KCNQ5: variants seen among roughly 807,000 people sequenced by gnomAD.
The protein encoded by KCNQ5 is potassium voltage-gated channel subfamily KQT member 5.
KCNQ5 carries 30 observed loss-of-function variants against 98.2 expected under a neutral mutation model. The observed-to-expected ratio is 0.31, with a 90% CI of 0.23 to 0.41. The LOEUF (loss-of-function observed/expected upper bound fraction) is 0.41. Ranked by LOEUF, KCNQ5 falls within the 10% of genes least tolerant of loss-of-function variation. The pLI, the probability that KCNQ5 is intolerant of heterozygous loss-of-function variation, is 1.00. For missense variants in KCNQ5, 835 were observed against 1,182.5 expected (o/e 0.71, Z 4.31); for synonymous variants, 458 against 449.4 (o/e 1.02, Z -0.24).
chr6:72,791,295 G>A (rs552063081), intron 1 of KCNQ5, among the ~76,000 whole-genome samples: 4 of 151,964 alleles, frequency 2.6e-5, no homozygotes, highest in Admixed American at 2.6e-4. Context: ...ACACGTGTGT[G>A]CATGTGCGCA....
intron 2 of KCNQ5, among the ~76,000 whole-genome samples, chr6:73,028,987 C>A (rs1037403722): frequency 1.3e-5 from 2 of 152,144 alleles, no homozygotes; most frequent in Non-Finnish European, 2.9e-5. Flanking sequence ...TCAATTCAAG[C>A]AATGGCAATT....
At chr6:73,013,541 T>C (rs1770179119) in intron 2 of KCNQ5, among the ~76,000 whole-genome samples, 1 of 152,168 alleles carries the variant, frequency 6.6e-6, no homozygotes, top group South Asian at 2.1e-4. Context: ...TAAGTACCCT[T>C]CATTTATTAG....
intron 1 of KCNQ5, among the ~76,000 whole-genome samples, chr6:72,775,226 G>A: frequency 6.6e-6 from 1 of 152,068 alleles, no homozygotes; most frequent in Admixed American, 6.5e-5. Context: ...AAAGCTATAT[G>A]CAACAACATG....
At chr6:72,880,209 C>T in intron 1 of KCNQ5, among the ~76,000 whole-genome samples, 1 of 152,148 alleles carries the variant, frequency 6.6e-6, no homozygotes, top group East Asian at 1.9e-4. Context: ...AATAATATAA[C>T]TAGGTGGCTT....
intron 1 of KCNQ5, among the ~76,000 whole-genome samples, chr6:72,965,126 C>T (rs1582101160): frequency 6.6e-6 from 1 of 152,136 alleles, no homozygotes; most frequent in East Asian, 1.9e-4. Flanking sequence ...GATAATTTCA[C>T]CACTTAAAAT....
At chr6:72,909,697 T>C (rs1779846694) in intron 1 of KCNQ5, among the ~76,000 whole-genome samples, 1 of 152,202 alleles carries the variant, frequency 6.6e-6, no homozygotes, top group South Asian at 2.1e-4. Context: ...TCACTCATCA[T>C]GTGCCTATTT....
At chr6:73,022,488 A>C (rs1455956530) in intron 2 of KCNQ5, among the ~76,000 whole-genome samples, 1 of 152,136 alleles carries the variant, frequency 6.6e-6, no homozygotes, top group African/African-American at 2.4e-5. Flanking sequence ...ACATGCCTAT[A>C]GTCCTAGCTA....
rs554039215 is a variant in KCNQ5, at chr6:72,725,414, T to C, written c.398+102827T>C. On this transcript the variant is annotated intron_variant, in intron 1 of 13. Coordinates refer to ENST00000370398, the MANE Select transcript of KCNQ5 (RefSeq NM_019842.4). ...AAAAGTAGTATATGTGGGAGGACAT[T>C]TCTTGAAGAAGTGTAGTAGAAAAAG... 6.6e-5 allele frequency among the ~76,000 whole-genome samples: 10 copies of C among 152,300 alleles called. 1 individual carries two copies. The highest frequency in any genetic ancestry group is 2.4e-4 in the African/African-American group (10 of 41,568).
At chr6:72,655,735 T>C (rs1427342632) in intron 1 of KCNQ5, among the ~76,000 whole-genome samples, 2 of 152,130 alleles carry the variant, frequency 1.3e-5, no homozygotes, top group Admixed American at 6.6e-5. Flanking sequence ...ATTGATTCAA[T>C]AGGCAATGAA....
intron 1 of KCNQ5, among the ~76,000 whole-genome samples, chr6:72,795,169 G>A (rs1251576829): frequency 6.6e-6 from 1 of 152,152 alleles, no homozygotes. Context: ...AAAAAAAGGG[G>A]GGAGTGCGTG....
In KCNQ5 at chr6:72,951,300, G is replaced by A. The variant is rs193003614; in HGVS notation, c.399-52608G>A. ...TGGTTTTTGCTTGTTTGTTTGAGACGGAGTCTTGCTCTGTCGACCAGGCTG... is the reference window on the plus strand; with the variant it reads ...TGGTTTTTGCTTGTTTGTTTGAGACAGAGTCTTGCTCTGTCGACCAGGCTG... On this transcript the variant is annotated intron_variant, in intron 1 of 13. Transcript: ENST00000370398. 3.2e-3 allele frequency among the ~76,000 whole-genome samples: 485 copies of A among 151,980 alleles called. 9 individuals are homozygous for A. Among genetic ancestry groups the A allele is most frequent in the Admixed American group, 0.015 (228 of 15,260 alleles).
At chr6:72,666,441 G>T (rs1033440052) in intron 1 of KCNQ5, among the ~76,000 whole-genome samples, 1 of 152,188 alleles carries the variant, frequency 6.6e-6, no homozygotes, top group Non-Finnish European at 1.5e-5. Flanking sequence ...AAATGAAAGA[G>T]CATTTAATAT....
intron 1 of KCNQ5, among the ~76,000 whole-genome samples, chr6:72,751,178 G>A (rs929047309): frequency 3.9e-5 from 6 of 152,090 alleles, no homozygotes; most frequent in East Asian, 1.9e-4. Flanking sequence ...TTGGATTTTA[G>A]GGGATAGGCA....
At chr6:72,654,052 T>C (rs1766012007) in intron 1 of KCNQ5, among the ~76,000 whole-genome samples, 1 of 152,048 alleles carries the variant, frequency 6.6e-6, no homozygotes, top group African/African-American at 2.4e-5. Context: ...ATTGAGTACA[T>C]GCTATGACTA....
chr6:72,666,713 G>A (rs990000966), intron 1 of KCNQ5, among the ~76,000 whole-genome samples: 1 of 152,090 alleles, frequency 6.6e-6, no homozygotes, highest in Non-Finnish European at 1.5e-5. Context: ...TGTTAATAAT[G>A]TACTAAAGTA....
At chr6:72,624,472 C>G (rs575731357) in intron 1 of KCNQ5, among the ~76,000 whole-genome samples, 1 of 152,234 alleles carries the variant, frequency 6.6e-6, no homozygotes, top group East Asian at 1.9e-4. Context: ...CTTTGCATCT[C>G]CTAACTTGTT....
At chr6:72,827,903 A>G (rs2150120587) in intron 1 of KCNQ5, among the ~76,000 whole-genome samples, 1 of 152,116 alleles carries the variant, frequency 6.6e-6, no homozygotes, top group Non-Finnish European at 1.5e-5. Flanking sequence ...GTGGATTTTT[A>G]TATAGGGTAA....
At chr6:72,828,883 CA>C (rs1292012829) in intron 1 of KCNQ5, among the ~76,000 whole-genome samples, 5 of 152,008 alleles carry the variant, frequency 3.3e-5, no homozygotes, top group Non-Finnish European at 7.4e-5. Context: ...AGCTTTTCCC[CA>C]TTCAGTAAGA....
chr6:72,656,346 T>A (rs977879767), intron 1 of KCNQ5, among the ~76,000 whole-genome samples: 1 of 152,186 alleles, frequency 6.6e-6, no homozygotes, highest in African/African-American at 2.4e-5. Context: ...CGTTGCATGT[T>A]TGGCCTCTAG....
Sources: allele counts gnomAD v4.1 joint callset (sites outside exome capture counted in the v4.1 genomes callset), GRCh38; gene constraint gnomAD v4.1.1; transcripts MANE v1.5; gene names NCBI Gene and HGNC (gene_info 2026-07-23, HGNC 2026-07-21).